Variants in TRIOBP observed in about 807,000 individuals in gnomAD.
The protein encoded by TRIOBP is TRIO and F-actin binding protein.
In TRIOBP, 169 loss-of-function variants were observed where a neutral mutation model predicts 238.8. That is an observed-to-expected ratio of 0.71 (90% CI 0.62 to 0.80). The LOEUF (loss-of-function observed/expected upper bound fraction) is 0.80. Ranked by LOEUF, TRIOBP falls within the 30% of genes least tolerant of loss-of-function variation. TRIOBP has a pLI of 0.00. For missense variants in TRIOBP, 2,838 were observed against 3,122.6 expected, an observed-to-expected ratio of 0.91 and a Z score of 2.17; for synonymous variants, 1,150 against 1,274.4, an observed-to-expected ratio of 0.90 and a Z score of 2.08.
At chr22:37,708,204 C>G (rs1301341811) in intron 3 of TRIOBP, among the ~76,000 whole-genome samples, 3 of 148,260 alleles carry the variant, frequency 2.0e-5, no homozygotes, top group African/African-American at 7.5e-5. Flanking sequence ...CAAGATCACG[C>G]CACTGCACTC....
At chr22:37,699,371 G>T (rs1422733904) in intron 2 of TRIOBP, among the ~76,000 whole-genome samples, 1 of 151,986 alleles carries the variant, frequency 6.6e-6, no homozygotes, top group Non-Finnish European at 1.5e-5. Flanking sequence ...ACCTCCGAGA[G>T]AGCAGGGACA....
rs999217897 is a variant in TRIOBP, at chr22:37,768,921, G to C, written c.6576-107G>C. 3.9e-6 allele frequency: 6 copies of C among 1,531,878 alleles called. No homozygotes were observed. In the African/African-American group the frequency reaches 8.2e-5, roughly 21 times the overall value. The allele number at this position is 1,531,878 out of a possible 1,614,324, so 94.9% of individuals were successfully genotyped here. A position where few individuals can be genotyped will look rare whatever the true frequency, so the allele number is the denominator to read the frequency against. Reference sequence around the variant, plus strand: ...CCACAGCAGGCTAAAGGCAAACCTAGAGAGGGAACCCCAGAGTCCTGGGAT... The same window carrying C: ...CCACAGCAGGCTAAAGGCAAACCTACAGAGGGAACCCCAGAGTCCTGGGAT... On this transcript the variant is annotated intron_variant, in intron 19 of 23. Transcript: ENST00000644935.
rs371543013 is a variant in TRIOBP at position 37,726,482 on chromosome 22, G to A, written c.3926G>A (p.Arg1309His). 1.3e-4 allele frequency: 194 copies of A among 1,532,096 alleles called. 1 individual carries two copies. In the East Asian group the frequency reaches 1.5e-3, roughly 12 times the overall value. The allele number at this position is 1,532,096 out of a possible 1,614,324, so 94.9% of individuals were successfully genotyped here. A position where few individuals can be genotyped will look rare whatever the true frequency, so the allele number is the denominator to read the frequency against. Residue 1309 changes from arginine to histidine, a missense_variant, in exon 7 of 24, where the codon CGC (arginine) becomes CAC (histidine). Arg to His is a conservative substitution (Grantham distance 29, BLOSUM62 0). This residue lies in a region of TRIOBP where 2,096 missense variants were observed against 2,137.4 expected (regional missense o/e 0.98). Coordinates refer to ENST00000644935, the MANE Select transcript of TRIOBP (RefSeq NM_001039141.3). ...AGCCCTGGCCGTGCAGAGGTGGAGCGCCTCTTCGGGCAAGAGCGCAGGTGA... is the reference window on the plus strand; with the variant it reads ...AGCCCTGGCCGTGCAGAGGTGGAGCACCTCTTCGGGCAAGAGCGCAGGTGA... ...THSPGRAEVE[R>H]LFGQERRKSE...
At chr22:37,748,299 CT>C (rs1479026077) in intron 11 of TRIOBP, among the ~76,000 whole-genome samples, 2 of 152,202 alleles carry the variant, frequency 1.3e-5, no homozygotes, top group East Asian at 3.8e-4. Context: ...CCCTCCTCCC[CT>C]GGCCCCCGTG....
chr22:37,721,607 A>G, intron 6 of TRIOBP, among the ~76,000 whole-genome samples: 1 of 152,262 alleles, frequency 6.6e-6, no homozygotes, highest in South Asian at 2.1e-4. Flanking sequence ...CCTCCTAGGT[A>G]GCTGGGACTA....
intron 5 of TRIOBP, 58 bp downstream of exon 5, chr22:37,713,469 C>T (rs1423948512): frequency 1.3e-6 from 2 of 1,585,726 alleles, no homozygotes; most frequent in African/African-American, 2.7e-5. Context: ...ATCTGCAGCC[C>T]TGGGTCCCAC....
intron 6 of TRIOBP, among the ~76,000 whole-genome samples, chr22:37,718,045 T>C (rs1175230745): frequency 1.3e-5 from 2 of 152,286 alleles, no homozygotes; most frequent in South Asian, 2.1e-4. Context: ...CGGGCACTGC[T>C]GGGGGACCCA....
chr22:37,726,885 G>A (rs1301215320), intron 7 of TRIOBP, among the ~76,000 whole-genome samples: 1 of 151,600 alleles, frequency 6.6e-6, no homozygotes, highest in East Asian at 2.0e-4. Context: ...AAATAAGGGT[G>A]AACTGTCTTT....
intron 15 of TRIOBP, among the ~76,000 whole-genome samples, chr22:37,757,389 C>T (rs893691404): frequency 2.0e-5 from 3 of 151,900 alleles, no homozygotes; most frequent in South Asian, 4.2e-4. Context: ...AGAACGGGGG[C>T]GAGGGAAGCC....
chr22:37,716,415 GTTATTA>G (rs201450875), intron 6 of TRIOBP, among the ~76,000 whole-genome samples: 3,481 of 151,550 alleles, frequency 0.023, 70 homozygotes, highest in Non-Finnish European at 0.034. Context: ...CGCCTAGCCT[GTTATTA>G]TTATTATTAT....
Position 37,734,465 on chromosome 22 carries a change from T to C in TRIOBP, c.4129T>C (p.Trp1377Arg), listed in dbSNP as rs8140958. ...GAGCCAAGCAGAGCCCCCTCATCCT[T>C]GGAGTCCTGAGAAGAGACCTGAGGG... Reference protein sequence around the residue: ...RRSQAEPPHPWSPEKRPEGDR... With the variant: ...RRSQAEPPHPRSPEKRPEGDR... The change falls in exon 9 of 24, where the codon TGG (tryptophan) becomes CGG (arginine). Residue 1377 changes from tryptophan (W) to arginine (R), a missense_variant. Trp to Arg is a moderately radical substitution (Grantham distance 101, BLOSUM62 -3). This residue lies in a region of TRIOBP where 2,096 missense variants were observed against 2,137.4 expected (regional missense o/e 0.98). Coordinates refer to ENST00000644935, the MANE Select transcript of TRIOBP (RefSeq NM_001039141.3). 0.96 allele frequency: 1,545,962 copies of C among 1,612,998 alleles called. 741,157 individuals carry two copies. Among genetic ancestry groups the C allele is most frequent in the East Asian group, 1 (44,853 of 44,858 alleles).
At chr22:37,753,468 A>G (rs1228340090) in intron 12 of TRIOBP, among the ~76,000 whole-genome samples, 2 of 152,080 alleles carry the variant, frequency 1.3e-5, no homozygotes, top group Admixed American at 6.5e-5. Context: ...TAGTAGAGAC[A>G]GGGTTTCTCC....
At chr22:37,705,122 C>A (rs1048398591) in intron 3 of TRIOBP, among the ~76,000 whole-genome samples, 1 of 151,540 alleles carries the variant, frequency 6.6e-6, no homozygotes, top group Non-Finnish European at 1.5e-5. Context: ...TGCCTGTAAT[C>A]TCAGCACTTT....
chr22:37,757,920 G>C lies in TRIOBP; in HGVS notation c.5995G>C (p.Glu1999Gln), dbSNP rs749793174. Residue 1999 changes from glutamate to glutamine, a missense_variant, in exon 16 of 24, where the codon GAG becomes CAG. Glu to Gln is a conservative substitution (Grantham distance 29). Transcript: ENST00000644935. ...TGAGGCCACAGACAGCAGGACCCCAGAGGTGCCTGCTGGTGAGGGGCCGCG... is the reference window on the plus strand; with the variant it reads ...TGAGGCCACAGACAGCAGGACCCCACAGGTGCCTGCTGGTGAGGGGCCGCG... ...WFEATDSRTPEVPAGEGPRRG... is the reference protein window; with the variant it reads ...WFEATDSRTPQVPAGEGPRRG... The C allele has an allele frequency of 2.8e-5, 43 of 1,554,528 alleles. 1 individual carries two copies. In the South Asian group the frequency reaches 4.5e-4, roughly 16 times the overall value.
chr22:37,753,761 ATCT>A (rs1471983853), intron 12 of TRIOBP, among the ~76,000 whole-genome samples: 3 of 152,142 alleles, frequency 2.0e-5, no homozygotes, highest in Non-Finnish European at 4.4e-5. Context: ...AGAACTTACC[ATCT>A]TCTTGAGGAG....
intron 12 of TRIOBP, 70 bp downstream of exon 12, chr22:37,751,898 G>A: frequency 6.5e-7 from 1 of 1,542,006 alleles, no homozygotes; most frequent in Non-Finnish European, 8.9e-7. Flanking sequence ...CAGCCCAGGA[G>A]TGGGGGTGGG....
intron 16 of TRIOBP, among the ~76,000 whole-genome samples, chr22:37,758,710 C>T (rs113441849): frequency 2.8e-3 from 395 of 142,200 alleles, no homozygotes; most frequent in Middle Eastern, 0.019. Flanking sequence ...AGAAGAAGGG[C>T]GAGACCGTTT....
intron 5 of TRIOBP, 149 bp downstream of exon 5, chr22:37,713,560 A>C: frequency 2.1e-6 from 2 of 952,232 alleles, no homozygotes; most frequent in Non-Finnish European, 3.2e-6. Context: ...AGCTCGGGCC[A>C]CCCCGGCGAA....
rs546965205 is a variant in TRIOBP at position 37,756,011 on chromosome 22, C to G, written c.5687+352C>G. ...TAGTTCAGCCTTGGCGCCCACACCT[C>G]CCGGGATGGGGAGCTCACTCCTTCT... On this transcript the variant is annotated intron_variant, in intron 15 of 23. Transcript: ENST00000644935. Among the ~76,000 whole-genome samples, 7 of 152,308 alleles carry G rather than the reference C, an allele frequency of 4.6e-5. No individual in the cohort carries two copies. The East Asian group carries it at 1.2e-3, about 25-fold the overall frequency.
Sources: gnomAD v4.1 joint callset for allele counts (sites outside exome capture counted in the v4.1 genomes callset) on GRCh38, gnomAD v4.1.1 for gene constraint, gnomAD v4.1.1 regional missense constraint, MANE v1.5 for transcripts, NCBI Gene and HGNC (gene_info 2026-07-23, HGNC 2026-07-21) for gene names.